Variants in RNF139 observed in about 807,000 individuals in gnomAD.
RNF139 encodes E3 ubiquitin-protein ligase RNF139.
A neutral mutation model predicts 49.5 loss-of-function variants in RNF139; 15 were observed. That is an observed-to-expected ratio of 0.30 (90% confidence interval 0.20 to 0.47). The LOEUF (loss-of-function observed/expected upper bound fraction) is 0.47. Among genes scored for constraint, RNF139 ranks in the 20% least tolerant of loss-of-function variants. The pLI is 1.00. For synonymous variants in RNF139, 325 were observed against 300.9 expected, an observed-to-expected ratio of 1.08 and a Z score of -0.83; for missense variants, 619 against 806.3, an observed-to-expected ratio of 0.77 and a Z score of 2.81.
rs1427521286 is a variant in RNF139 at position 124,486,815 on chromosome 8, A to G, written c.1166A>G (p.His389Arg). ...SASHVSSFRR[H>R]FPVLFVSACL... ...TCTCATGTGTCATCTTTTCGTAGAC[A>G]TTTTCCTGTGCTGTTTGTCTCTGCT... Residue 389 changes from histidine to arginine, a missense_variant, in exon 2 of 2, where the codon CAT becomes CGT. His to Arg is a conservative substitution (Grantham distance 29). Transcript: ENST00000303545. 5.0e-6 allele frequency: 8 copies of G among 1,613,256 alleles called. No homozygotes were observed. The highest frequency in any genetic ancestry group is 1.3e-5 in the African/African-American group (1 of 74,648).
At chr8:124,484,043 G>A (rs987438899) in intron 1 of RNF139, among the ~76,000 whole-genome samples, 2 of 152,194 alleles carry the variant, frequency 1.3e-5, no homozygotes, top group African/African-American at 2.4e-5. Flanking sequence ...GTTTCACTAA[G>A]TTCTGCAGGT....
intron 1 of RNF139, among the ~76,000 whole-genome samples, chr8:124,475,624 ACT>A (rs766709458): frequency 1.4e-4 from 22 of 152,218 alleles, no homozygotes; most frequent in Non-Finnish European, 2.5e-4. Flanking sequence ...TCGAAAAACA[ACT>A]CTGCTATCCC....
intron 1 of RNF139, among the ~76,000 whole-genome samples, chr8:124,475,855 C>T (rs1378508324): frequency 3.3e-5 from 5 of 152,146 alleles, no homozygotes; most frequent in African/African-American, 1.2e-4. Flanking sequence ...AGCGGCGATG[C>T]TTAAATCGAG....
chr8:124,483,041 T>TTAAATATATATATA (rs1816463471), intron 1 of RNF139, among the ~76,000 whole-genome samples: 1 of 61,900 alleles, frequency 1.6e-5, no homozygotes, highest in Non-Finnish European at 2.8e-5. Flanking sequence ...ATATATATAT[T>TTAAATATATATATA]TAAAAATATA....
intron 1 of RNF139, among the ~76,000 whole-genome samples, chr8:124,484,783 T>C (rs953331130): frequency 3.9e-5 from 6 of 152,188 alleles, no homozygotes; most frequent in African/African-American, 1.2e-4. Context: ...TCTAAAAACA[T>C]GTCTTGGTTT....
At chr8:124,484,088 G>T (rs1586525391) in intron 1 of RNF139, among the ~76,000 whole-genome samples, 1 of 152,182 alleles carries the variant, frequency 6.6e-6, no homozygotes, top group East Asian at 1.9e-4. Flanking sequence ...AAGAAAGTAG[G>T]TTTCTAGGAT....
At chr8:124,485,228 G>C (rs919006579) in intron 1 of RNF139, among the ~76,000 whole-genome samples, 4 of 152,180 alleles carry the variant, frequency 2.6e-5, no homozygotes, top group African/African-American at 9.7e-5. Flanking sequence ...GCTGGGCATG[G>C]TGGCAGGTGC....
intron 1 of RNF139, among the ~76,000 whole-genome samples, chr8:124,481,916 G>A (rs1816418598): frequency 6.6e-6 from 1 of 152,070 alleles, no homozygotes; most frequent in Admixed American, 6.6e-5. Flanking sequence ...TTAGGATATT[G>A]GTTTTTAAAA....
At chr8:124,477,800 C>G (rs1391824356) in intron 1 of RNF139, among the ~76,000 whole-genome samples, 1 of 151,994 alleles carries the variant, frequency 6.6e-6, no homozygotes, top group Non-Finnish European at 1.5e-5. Flanking sequence ...AAAATGCAAG[C>G]CTAGGAGTTT....
At chr8:124,478,292 A>T (rs1162239432) in intron 1 of RNF139, among the ~76,000 whole-genome samples, 1 of 151,162 alleles carries the variant, frequency 6.6e-6, no homozygotes, top group Non-Finnish European at 1.5e-5. Context: ...TTATGGGGGA[A>T]AAAAAAAAGT....
At chr8:124,475,424 C>T (rs1312584530) in intron 1 of RNF139, 134 bp downstream of exon 1, 10 of 903,530 alleles carry the variant, frequency 1.1e-5, no homozygotes, top group African/African-American at 1.7e-5. Context: ...CTCAAAGGGT[C>T]GTCTTTACGG....
In RNF139 at chr8:124,475,327, A is replaced by C. The variant is rs373150979; in HGVS notation, c.181+37A>C. 4 of 1,581,608 alleles carry C rather than the reference A, an allele frequency of 2.5e-6. No individual in the cohort carries two copies. In the East Asian group the frequency reaches 7.2e-5, roughly 28 times the overall value. ...GGGTACCGTACGTCCCGGGACGGCT[A>C]TGCGGGCCGAGACGTTCCCCGGGGA... On this transcript the variant is annotated intron_variant, in intron 1 of 1. Transcript: ENST00000303545.
Position 124,486,949 on chromosome 8 carries a change from G to C in RNF139, c.1300G>C (p.Val434Leu), listed in dbSNP as rs1325149424. Residue 434 changes from valine to leucine, a missense_variant, in exon 2 of 2, where the codon GTA (valine) becomes CTA (leucine). By Grantham distance (32) the Val-to-Leu change is conservative. This residue lies in a region of RNF139 where 530 missense variants were observed against 728.9 expected (regional missense o/e 0.73). Coordinates refer to ENST00000303545, the MANE Select transcript of RNF139 (RefSeq NM_007218.4). ...TAFCVELCLK[V>L]IVSLTVYTLF... ...ATTTTGTGTGGAACTGTGCTTAAAAGTAATTGTTTCTCTCACTGTTTATAC... is the reference window on the plus strand; with the variant it reads ...ATTTTGTGTGGAACTGTGCTTAAAACTAATTGTTTCTCTCACTGTTTATAC... 6.2e-7 allele frequency: 1 copy of C among 1,613,918 alleles called. No individual in the cohort carries two copies. The highest frequency in any genetic ancestry group is 1.3e-5 in the African/African-American group (1 of 74,870).
chr8:124,488,495 T>G lies in RNF139; in HGVS notation c.*851T>G. 3.1e-6 allele frequency: 2 copies of G among 649,798 alleles called. No individual in the cohort carries two copies. The highest frequency in any genetic ancestry group is 5.4e-6 in the Non-Finnish European group (2 of 368,886). The allele number at this position is 649,798 out of a possible 1,614,324, so 40.3% of individuals were successfully genotyped here. A position where few individuals can be genotyped will look rare whatever the true frequency, so the allele number is the denominator to read the frequency against. On this transcript the variant is annotated 3_prime_UTR_variant, in exon 2 of 2. Coordinates refer to ENST00000303545, the MANE Select transcript of RNF139 (RefSeq NM_007218.4). Reference sequence around the variant, plus strand: ...AATGGTGTGTACCGATATATAGTATTTCTTTAGACAACTTGCAGATAATTT... The same window carrying G: ...AATGGTGTGTACCGATATATAGTATGTCTTTAGACAACTTGCAGATAATTT...
At chr8:124,477,532 T>A (rs971696888) in intron 1 of RNF139, among the ~76,000 whole-genome samples, 8 of 152,212 alleles carry the variant, frequency 5.3e-5, no homozygotes, top group Non-Finnish European at 1.0e-4. Context: ...ACCAGTTTTA[T>A]GTGTGGTGGT....
In RNF139 at chr8:124,488,586, T is replaced by C; in HGVS notation, c.*942T>C. ...CATACATGATGGAAAGTGGAAGACA[T>C]ATACCAATTATATTCCAGGAAAAAA... On this transcript the variant is annotated 3_prime_UTR_variant, in exon 2 of 2. Coordinates refer to ENST00000303545, the MANE Select transcript of RNF139 (RefSeq NM_007218.4). 2 of 1,356,214 alleles carry C rather than the reference T, an allele frequency of 1.5e-6. No individual in the cohort carries two copies. The highest frequency in any genetic ancestry group is 2.5e-5 in the South Asian group (2 of 79,902). The allele number at this position is 1,356,214 out of a possible 1,614,324, so 84.0% of individuals were successfully genotyped here.
rs1816525169 is a variant in RNF139 at position 124,486,205 on chromosome 8, C to T, written c.556C>T (p.Leu186Phe). 1.9e-6 allele frequency: 3 copies of T among 1,614,144 alleles called. No individual in the cohort carries two copies. Among genetic ancestry groups the T allele is most frequent in the Admixed American group, 1.7e-5 (1 of 60,016 alleles). Reference sequence around the variant, plus strand: ...TTTACTGTTTACTTCTTCCTTGATTCTCACATTAAATACAGTGTTTGTCCT... The same window carrying T: ...TTTACTGTTTACTTCTTCCTTGATTTTCACATTAAATACAGTGTTTGTCCT... ...ETLLFTSSLI[L>F]TLNTVFVLAV... The change falls in exon 2 of 2, where the codon CTC becomes TTC. Residue 186 changes from leucine (L) to phenylalanine (F), a missense_variant. Around this residue, in one of 2 missense-constraint regions of RNF139, gnomAD observed 530 missense variants for 728.9 expected, o/e 0.73. Transcript: ENST00000303545.
intron 1 of RNF139, among the ~76,000 whole-genome samples, chr8:124,480,252 T>G (rs1482594555): frequency 6.6e-6 from 1 of 151,802 alleles, no homozygotes; most frequent in Non-Finnish European, 1.5e-5. Context: ...ATTTTTCCAA[T>G]CTTAGATTAA....
At position 124,486,041 on chromosome 8, in the gene RNF139, T is replaced by C. The variant is rs1277723168; in HGVS notation, c.392T>C (p.Ile131Thr). 2.5e-6 allele frequency: 4 copies of C among 1,614,066 alleles called. No individual in the cohort carries two copies. Among genetic ancestry groups the C allele is most frequent in the Non-Finnish European group, 2.5e-6 (3 of 1,180,006 alleles). ...GGTCCCTCGCTGTGGATGGCACTTATCGTTCTACAGCTAACATTTGGAATT... is the reference window on the plus strand; with the variant it reads ...GGTCCCTCGCTGTGGATGGCACTTACCGTTCTACAGCTAACATTTGGAATT... ...RKGPSLWMAL[I>T]VLQLTFGIGY... Residue 131 changes from isoleucine (I) to threonine (T), a missense_variant, in exon 2 of 2, where the codon ATC becomes ACC. By Grantham distance (89) the Ile-to-Thr change is moderately conservative. Coordinates refer to ENST00000303545, the MANE Select transcript of RNF139 (RefSeq NM_007218.4).
Sources: gnomAD v4.1 joint callset for allele counts (sites outside exome capture counted in the v4.1 genomes callset) on GRCh38, gnomAD v4.1.1 for gene constraint, gnomAD v4.1.1 regional missense constraint, MANE v1.5 for transcripts, NCBI Gene and HGNC (gene_info 2026-07-23, HGNC 2026-07-21) for gene names.